The following PIP5K1B variants were observed in gnomAD, a reference collection of about 807,000 sequenced individuals.
PIP5K1B encodes phosphatidylinositol-4-phosphate 5-kinase type 1 beta.
In PIP5K1B, 42 loss-of-function variants were observed where a neutral mutation model predicts 67.0. The observed-to-expected ratio is 0.63, with a 90% CI of 0.49 to 0.81. PIP5K1B has a LOEUF of 0.81. PIP5K1B is among the 30% of genes least tolerant of loss of function. The pLI is 0.00. For missense variants in PIP5K1B, 459 were observed against 646.3 expected (o/e 0.71, Z 3.14); for synonymous variants, 214 against 231.4 (o/e 0.92, Z 0.68).
intron 1 of PIP5K1B, among the ~76,000 whole-genome samples, chr9:68,735,102 A>AT (rs1459947013): frequency 6.6e-6 from 1 of 152,172 alleles, no homozygotes; most frequent in Admixed American, 6.5e-5. Flanking sequence ...AGTGGTCCTG[A>AT]TCTCTTGGAA....
At chr9:68,936,224 A>G (rs7030009) in intron 13 of PIP5K1B, among the ~76,000 whole-genome samples, 3,765 of 152,190 alleles carry the variant, frequency 0.025, 122 homozygotes, top group African/African-American at 0.076. Context: ...GTACAATGAT[A>G]AATAGAAGTG....
At chr9:68,995,834 A>G (rs954243390) in intron 15 of PIP5K1B, among the ~76,000 whole-genome samples, 2 of 151,950 alleles carry the variant, frequency 1.3e-5, no homozygotes, top group African/African-American at 4.8e-5. Context: ...AAGAAAGAAA[A>G]TGGAAAAGAA....
At chr9:68,706,583 C>T (rs894787590) in intron 1 of PIP5K1B, among the ~76,000 whole-genome samples, 66 of 152,118 alleles carry the variant, frequency 4.3e-4, no homozygotes, top group Non-Finnish European at 1.5e-4. Flanking sequence ...ATCAGGGCTC[C>T]GAACAAGGCA....
intron 14 of PIP5K1B, among the ~76,000 whole-genome samples, chr9:68,973,042 G>C (rs968363885): frequency 6.6e-6 from 1 of 152,182 alleles, no homozygotes; most frequent in African/African-American, 2.4e-5. Context: ...TTTTATCACT[G>C]TGATAGGGAT....
At chr9:68,870,245 C>T (rs924592354) in intron 5 of PIP5K1B, among the ~76,000 whole-genome samples, 12 of 152,038 alleles carry the variant, frequency 7.9e-5, no homozygotes, top group African/African-American at 2.7e-4. Context: ...AATGACATCC[C>T]GGAATGCACT....
intron 1 of PIP5K1B, among the ~76,000 whole-genome samples, chr9:68,738,047 A>G (rs977237435): frequency 2.0e-5 from 3 of 152,178 alleles, no homozygotes; most frequent in African/African-American, 7.2e-5. Flanking sequence ...GTAATGACTG[A>G]GTGTTCGTCA....
At chr9:68,890,005 G>T (rs1031263487) in intron 7 of PIP5K1B, among the ~76,000 whole-genome samples, 6 of 152,140 alleles carry the variant, frequency 3.9e-5, no homozygotes, top group African/African-American at 1.4e-4. Flanking sequence ...TATAGAAGAG[G>T]TAATTGAGGC....
chr9:68,967,368 C>T (rs1829092886), intron 14 of PIP5K1B, among the ~76,000 whole-genome samples: 1 of 152,168 alleles, frequency 6.6e-6, no homozygotes, highest in Admixed American at 6.5e-5. Context: ...ACAAACAGAA[C>T]TCCATCAGGC....
intron 4 of PIP5K1B, among the ~76,000 whole-genome samples, chr9:68,846,232 G>A (rs988266494): frequency 6.6e-6 from 1 of 152,258 alleles, no homozygotes; most frequent in South Asian, 2.1e-4. Flanking sequence ...GGTAAATACT[G>A]ATATTAATGT....
chr9:68,729,610 A>G (rs1828321377), intron 1 of PIP5K1B, among the ~76,000 whole-genome samples: 1 of 152,192 alleles, frequency 6.6e-6, no homozygotes, highest in Non-Finnish European at 1.5e-5. Context: ...TAATTATACA[A>G]GAACTAACCT....
chr9:68,864,678 T>G (rs538221111), intron 5 of PIP5K1B, among the ~76,000 whole-genome samples: 2 of 152,280 alleles, frequency 1.3e-5, no homozygotes, highest in South Asian at 4.2e-4. Context: ...ACTAATTAAT[T>G]AAAAATTCTA....
At chr9:68,988,967 C>A (rs989045026) in intron 14 of PIP5K1B, among the ~76,000 whole-genome samples, 1 of 151,512 alleles carries the variant, frequency 6.6e-6, no homozygotes, top group Admixed American at 6.6e-5. Flanking sequence ...TGGTGGCGGG[C>A]GCCTGTAATC....
chr9:68,969,739 G>A (rs769038378), intron 14 of PIP5K1B, among the ~76,000 whole-genome samples: 2 of 152,134 alleles, frequency 1.3e-5, no homozygotes, highest in South Asian at 2.1e-4. Flanking sequence ...ATGATCTACC[G>A]GAAAGAGAGC....
intron 11 of PIP5K1B, among the ~76,000 whole-genome samples, chr9:68,922,637 C>T (rs1826468011): frequency 6.6e-6 from 1 of 152,058 alleles, no homozygotes; most frequent in African/African-American, 2.4e-5. Flanking sequence ...TTCATCTATC[C>T]CCTTTCCTGG....
intron 15 of PIP5K1B, among the ~76,000 whole-genome samples, chr9:69,000,799 C>G (rs1830789672): frequency 6.6e-6 from 1 of 152,134 alleles, no homozygotes; most frequent in South Asian, 2.1e-4. Flanking sequence ...TTTAGGGGAA[C>G]ACAGTTTAGC....
At chr9:68,957,008 A>G (rs533897356) in intron 14 of PIP5K1B, among the ~76,000 whole-genome samples, 1 of 152,212 alleles carries the variant, frequency 6.6e-6, no homozygotes, top group South Asian at 2.1e-4. Context: ...GATAGAATAA[A>G]GGATATTTGT....
chr9:68,841,186 A>T (rs1821902826), intron 4 of PIP5K1B, among the ~76,000 whole-genome samples: 1 of 152,270 alleles, frequency 6.6e-6, no homozygotes, highest in African/African-American at 2.4e-5. Flanking sequence ...TTTCTGGGAC[A>T]TAAACATGAA....
At chr9:68,945,959 A>C (rs1827785045) in intron 14 of PIP5K1B, among the ~76,000 whole-genome samples, 1 of 152,246 alleles carries the variant, frequency 6.6e-6, no homozygotes, top group Admixed American at 6.5e-5. Flanking sequence ...GAATGTTCAA[A>C]CACTTTAAAA....
At chr9:68,857,603 C>T (rs144036575) in intron 4 of PIP5K1B, among the ~76,000 whole-genome samples, 2,100 of 152,268 alleles carry the variant, frequency 0.014, 47 homozygotes, top group African/African-American at 0.048. Context: ...TGGCGGCTCA[C>T]GCCTGTAATC....
Sources: gnomAD v4.1 joint callset for allele counts (sites outside exome capture counted in the v4.1 genomes callset) on GRCh38, gnomAD v4.1.1 for gene constraint, MANE v1.5 for transcripts, NCBI Gene and HGNC (gene_info 2026-07-23, HGNC 2026-07-21) for gene names.